The following SIMC1 variants were observed in gnomAD, a reference collection of about 807,000 sequenced individuals.
The protein encoded by SIMC1 is SUMO-interacting motif-containing protein 1.
Under a neutral mutation model 82.3 loss-of-function variants are expected in SIMC1, and 55 were observed. That is an observed-to-expected ratio of 0.67 (90% CI 0.54 to 0.84). The LOEUF is 0.84. Among genes scored for constraint, SIMC1 ranks in the 40% least tolerant of loss-of-function variants. The pLI, the probability that SIMC1 is intolerant of heterozygous loss-of-function variation, is 0.00. For missense variants in SIMC1, 915 were observed against 1,107.2 expected (o/e 0.83, Z 2.46); for synonymous variants, 353 against 426.3 (o/e 0.83, Z 2.12).
chr5:176,308,968 A>G, intron 4 of SIMC1: 1 of 945,968 alleles, frequency 1.1e-6, no homozygotes, highest in East Asian at 2.4e-5. Flanking sequence ...AGGAATTGCA[A>G]CAAGAAAAGG....
intron 1 of SIMC1, among the ~76,000 whole-genome samples, chr5:176,248,980 A>C (rs922712209): frequency 2.6e-5 from 4 of 152,044 alleles, no homozygotes; most frequent in African/African-American, 9.7e-5. Flanking sequence ...AAGCTTTTTG[A>C]TGTGCTGCTG....
At chr5:176,318,615 A>T (rs1765016968) in intron 5 of SIMC1, among the ~76,000 whole-genome samples, 1 of 152,212 alleles carries the variant, frequency 6.6e-6, no homozygotes, top group Non-Finnish European at 1.5e-5. Flanking sequence ...CATTTAAGGA[A>T]TCCATTCCTA....
At chr5:176,284,755 A>G (rs1253397242) in intron 1 of SIMC1, among the ~76,000 whole-genome samples, 5 of 152,074 alleles carry the variant, frequency 3.3e-5, no homozygotes, top group Admixed American at 2.0e-4. Flanking sequence ...GCAATAAAAA[A>G]TGATAAAGGG....
At chr5:176,280,646 C>G (rs1486975891) in intron 1 of SIMC1, among the ~76,000 whole-genome samples, 1 of 152,054 alleles carries the variant, frequency 6.6e-6, no homozygotes, top group Non-Finnish European at 1.5e-5. Context: ...GACAAAATCT[C>G]TCAGCATTTG....
At chr5:176,337,261 C>A in intron 9 of SIMC1, 115 bp downstream of exon 9, 1 of 901,524 alleles carries the variant, frequency 1.1e-6, no homozygotes, top group Non-Finnish European at 1.7e-6. Context: ...TTGTATGTAA[C>A]TTATTATAAG....
At chr5:176,337,977 A>G (rs960573132) in intron 9 of SIMC1, among the ~76,000 whole-genome samples, 2 of 152,200 alleles carry the variant, frequency 1.3e-5, no homozygotes, top group African/African-American at 4.8e-5. Flanking sequence ...CCAAGGATTA[A>G]TGAGGCCTGT....
chr5:176,338,992 CTG>C (rs1329266188), intron 9 of SIMC1, among the ~76,000 whole-genome samples: 1 of 152,268 alleles, frequency 6.6e-6, no homozygotes, highest in African/African-American at 2.4e-5. Context: ...TTCATTGAAT[CTG>C]TCTTCCTGCG....
At chr5:176,287,020 C>T (rs1437951899) in intron 1 of SIMC1, among the ~76,000 whole-genome samples, 2 of 152,188 alleles carry the variant, frequency 1.3e-5, no homozygotes, top group African/African-American at 2.4e-5. Context: ...AACACTTTTA[C>T]ACTGTTGGTG....
intron 1 of SIMC1, among the ~76,000 whole-genome samples, chr5:176,271,925 A>G (rs368897180): frequency 2.2e-5 from 1 of 45,432 alleles, no homozygotes. Flanking sequence ...TGTATATTAT[A>G]TTATAATATA....
chr5:176,312,838 C>T (rs1764725473), intron 4 of SIMC1, among the ~76,000 whole-genome samples: 1 of 152,118 alleles, frequency 6.6e-6, no homozygotes, highest in Non-Finnish European at 1.5e-5. Context: ...AAGTTTGAAG[C>T]CTAAGCTCCC....
rs771453157 is a variant in SIMC1, at chr5:176,290,262, C to T, written c.738C>T (p.Ala246=). Residue 246 remains alanine (A), a synonymous_variant, in exon 2 of 10, where the codon GCC becomes GCT. Coordinates refer to ENST00000429602, the MANE Select transcript of SIMC1 (RefSeq NM_001308195.2). ...PPRASSCPPR[A]LSCPSQTMQC... The stretch of plus-strand genomic sequence containing the variant: ...GAGCCTCCTCATGCCCACCACGAGC[C>T]TTGTCATGCCCATCACAAACCATGC... 2 of 1,613,864 alleles carry T rather than the reference C, an allele frequency of 1.2e-6. No homozygotes were observed. Among genetic ancestry groups the T allele is most frequent in the East Asian group, 2.2e-5 (1 of 44,870 alleles).
chr5:176,285,711 G>A (rs1763242209), intron 1 of SIMC1, among the ~76,000 whole-genome samples: 1 of 152,162 alleles, frequency 6.6e-6, no homozygotes, highest in Admixed American at 6.6e-5. Flanking sequence ...CCTGTTTGCA[G>A]ATGACATGAT....
At chr5:176,322,500 G>A in intron 6 of SIMC1, 75 bp downstream of exon 6, 4 of 1,439,860 alleles carry the variant, frequency 2.8e-6, no homozygotes, top group Non-Finnish European at 3.7e-6. Context: ...CAATCCCTAA[G>A]AGCAGCTTCC....
intron 1 of SIMC1, among the ~76,000 whole-genome samples, chr5:176,251,576 ATTTTC>A (rs1172883054): frequency 2.1e-5 from 3 of 142,146 alleles, no homozygotes; most frequent in African/African-American, 2.6e-5. Flanking sequence ...GTTGAAAATT[ATTTTC>A]TTTTCTTTTT....
chr5:176,281,698 G>A (rs1170637570), intron 1 of SIMC1, among the ~76,000 whole-genome samples: 4 of 152,192 alleles, frequency 2.6e-5, no homozygotes, highest in African/African-American at 9.7e-5. Context: ...GTCCACTCCA[G>A]ACCCTGTTTG....
chr5:176,272,282 G>A (rs1193087320), intron 1 of SIMC1, among the ~76,000 whole-genome samples: 1 of 150,372 alleles, frequency 6.7e-6, no homozygotes, highest in African/African-American at 2.4e-5. Context: ...TCCAGCCTGT[G>A]TGACATAGCG....
chr5:176,248,599 T>G (rs192903900), intron 1 of SIMC1, among the ~76,000 whole-genome samples: 41 of 152,280 alleles, frequency 2.7e-4, no homozygotes, highest in African/African-American at 9.9e-4. Flanking sequence ...ACCCTTTATT[T>G]CTTTCTCTTG....
In SIMC1 at chr5:176,306,380, C is replaced by T. The variant is rs1221027299; in HGVS notation, c.1735-7311C>T. 1.6e-5 allele frequency among the ~76,000 whole-genome samples: 2 copies of T among 127,604 alleles called. 1 individual carries two copies. Among genetic ancestry groups the T allele is most frequent in the Non-Finnish European group, 3.7e-5 (2 of 53,712 alleles). The allele number at this position is 127,604 out of a possible 152,430, so 83.7% of individuals were successfully genotyped here. On this transcript the variant is annotated intron_variant, in intron 4 of 9. Coordinates refer to ENST00000429602, the MANE Select transcript of SIMC1 (RefSeq NM_001308195.2). ...GCCCCTACTGGGAAGTGAGGAGCCC[C>T]TCTGCCCGACCACCACCCCGTCTGG...
chr5:176,242,546 A>G (rs2560208), intron 1 of SIMC1, among the ~76,000 whole-genome samples: 14 of 152,026 alleles, frequency 9.2e-5, no homozygotes, highest in Non-Finnish European at 1.0e-4. Context: ...GAGTTTTCCA[A>G]ATTGTTATAA....
Sources: allele counts gnomAD v4.1 joint callset (sites outside exome capture counted in the v4.1 genomes callset), GRCh38; gene constraint gnomAD v4.1.1; transcripts MANE v1.5; gene names NCBI Gene and HGNC (gene_info 2026-07-23, HGNC 2026-07-21).